Variants in CDH4 observed in about 807,000 individuals in gnomAD.
CDH4 encodes cadherin 4.
Under a neutral mutation model 86.0 loss-of-function variants are expected in CDH4, and 33 were observed. The ratio of observed to expected loss-of-function variants is 0.38; its 90% CI spans 0.29 to 0.51. The LOEUF is 0.51. Ranked by LOEUF, CDH4 falls within the 20% of genes least tolerant of loss-of-function variation. The probability of loss-of-function intolerance (pLI) is 0.86; values close to 1 mark genes in which losing one functional copy is unlikely to be tolerated. For synonymous variants in CDH4, 555 were observed against 549.4 expected, an observed-to-expected ratio of 1.01 and a Z score of -0.14; for missense variants, 1,114 against 1,307.4, an observed-to-expected ratio of 0.85 and a Z score of 2.28.
At chr20:61,553,609 A>G (rs1454475834) in intron 2 of CDH4, among the ~76,000 whole-genome samples, 1 of 152,210 alleles carries the variant, frequency 6.6e-6, no homozygotes, top group African/African-American at 2.4e-5. Context: ...ACCCTGCTTT[A>G]TAGATGTAGT....
chr20:61,604,786 C>T (rs771606841), intron 2 of CDH4, among the ~76,000 whole-genome samples: 4 of 152,146 alleles, frequency 2.6e-5, no homozygotes, highest in Non-Finnish European at 5.9e-5. Context: ...CAGCAGCTTG[C>T]ACTAATGGTC....
At position 61,508,264 on chromosome 20, in the gene CDH4, C is replaced by A. The variant is rs527243290; in HGVS notation, c.170-235299C>A. ...AAGGTCCCAGGCAGTATGTGTGCCC[C>A]CCACTGAGTTGGGTCTTAATGCTCA... On this transcript the variant is annotated intron_variant, in intron 2 of 15. Coordinates refer to ENST00000614565, the MANE Select transcript of CDH4 (RefSeq NM_001794.5). Among the ~76,000 whole-genome samples, 11 of 152,346 alleles carry A rather than the reference C, an allele frequency of 7.2e-5. No individual in the cohort carries two copies. In the South Asian group the frequency reaches 2.3e-3, roughly 32 times the overall value.
rs147368313 is a variant in CDH4 at position 61,296,611 on chromosome 20, C to T, written c.169+41674C>T. 5.7e-3 allele frequency among the ~76,000 whole-genome samples: 861 copies of T among 152,116 alleles called. 7 individuals carry two copies. The highest frequency in any genetic ancestry group is 0.02 in the African/African-American group (811 of 41,506). On this transcript the variant is annotated intron_variant, in intron 2 of 15. Transcript: ENST00000614565. ...GCATTTACCGCCTCGTAAATGTTAT[C>T]GATACAATTAGAATAGGTACTTTTT...
chr20:61,756,221 G>A (rs1421584928), intron 3 of CDH4, among the ~76,000 whole-genome samples: 1 of 152,154 alleles, frequency 6.6e-6, no homozygotes, highest in Admixed American at 6.5e-5. Flanking sequence ...CTGCATCCTG[G>A]GCCTGCACCT....
At chr20:61,302,400 G>A (rs2084390497) in intron 2 of CDH4, among the ~76,000 whole-genome samples, 1 of 152,220 alleles carries the variant, frequency 6.6e-6, no homozygotes, top group Non-Finnish European at 1.5e-5. Flanking sequence ...CCAAAGTGAT[G>A]AACAAGCTTA....
At chr20:61,908,197 G>A (rs1005248793) in intron 8 of CDH4, among the ~76,000 whole-genome samples, 5 of 152,238 alleles carry the variant, frequency 3.3e-5, no homozygotes, top group Non-Finnish European at 4.4e-5. Context: ...AAGGCAGCCC[G>A]TTGGTGTGGG....
Position 61,933,018 on chromosome 20 carries a change from G to A in CDH4, c.2273G>A (p.Arg758Gln), listed in dbSNP as rs550041342. ...MVLLFVMWMKRREKERHTKQL... is the reference protein window; with the variant it reads ...MVLLFVMWMKQREKERHTKQL... ...CTGCTGTTTGTCATGTGGATGAAGCGGCGAGAGAAGGAGCGCCACACGAAG... is the reference window on the plus strand; with the variant it reads ...CTGCTGTTTGTCATGTGGATGAAGCAGCGAGAGAAGGAGCGCCACACGAAG... The change falls in exon 14 of 16, where the codon CGG becomes CAG. Residue 758 changes from arginine (R) to glutamine (Q), a missense_variant. By Grantham distance (43) the Arg-to-Gln change is conservative. Around this residue, in one of 3 missense-constraint regions of CDH4, gnomAD observed 705 missense variants for 914.1 expected, o/e 0.77. Coordinates refer to ENST00000614565, the MANE Select transcript of CDH4 (RefSeq NM_001794.5). 9.3e-6 allele frequency: 15 copies of A among 1,613,316 alleles called. No homozygotes were observed. The highest frequency in any genetic ancestry group is 6.6e-5 in the South Asian group (6 of 91,076).
Position 61,910,597 on chromosome 20 carries a change from C to T in CDH4, c.1364C>T (p.Thr455Ile). The change falls in exon 9 of 16, where the codon ACC (threonine) becomes ATC (isoleucine). Residue 455 changes from threonine (T) to isoleucine (I), a missense_variant. Thr to Ile is a moderately conservative substitution (Grantham distance 89). Around this residue, in one of 3 missense-constraint regions of CDH4, gnomAD observed 705 missense variants for 914.1 expected, o/e 0.77. Transcript: ENST00000614565. ...TDPVTNEGMV[T>I]VVKAVDYELN... ...CCCGTAACCAACGAGGGCATGGTCACCGTGGTGAAGGTGCGTACTCTTCTC... is the reference window on the plus strand; with the variant it reads ...CCCGTAACCAACGAGGGCATGGTCATCGTGGTGAAGGTGCGTACTCTTCTC... 1 of 1,613,442 alleles carries T rather than the reference C, an allele frequency of 6.2e-7. No homozygotes were observed. Among genetic ancestry groups the T allele is most frequent in the African/African-American group, 1.3e-5 (1 of 75,050 alleles).
At chr20:61,934,392 A>C (rs1235556951) in intron 15 of CDH4, among the ~76,000 whole-genome samples, 172 bp downstream of exon 15, 1 of 152,212 alleles carries the variant, frequency 6.6e-6, no homozygotes, top group Non-Finnish European at 1.5e-5. Flanking sequence ...TGGCCTGGGC[A>C]AATCACCTCC....
intron 2 of CDH4, among the ~76,000 whole-genome samples, chr20:61,297,612 G>A (rs543492378): frequency 1.1e-4 from 16 of 152,344 alleles, no homozygotes; most frequent in African/African-American, 2.4e-4. Flanking sequence ...AAGCCGGGGC[G>A]GTGCCTGGCA....
chr20:61,399,497 A>T (rs549642068), intron 2 of CDH4, among the ~76,000 whole-genome samples: 1 of 152,330 alleles, frequency 6.6e-6, no homozygotes, highest in East Asian at 1.9e-4. Flanking sequence ...TAGAGAGCAT[A>T]GTATCCCTGA....
chr20:61,400,301 G>A (rs1568830145), intron 2 of CDH4, among the ~76,000 whole-genome samples: 1 of 152,318 alleles, frequency 6.6e-6, no homozygotes, highest in South Asian at 2.1e-4. Flanking sequence ...GACCTCTCAG[G>A]AGTTATAGTT....
At position 61,553,479 on chromosome 20, in the gene CDH4, G is replaced by A. The variant is rs77404474; in HGVS notation, c.170-190084G>A. On this transcript the variant is annotated intron_variant, in intron 2 of 15. Transcript: ENST00000614565. ...CAAAGATTAAAAACCAGCCTTTGAGGTGTTTCCATTTGGGGCTATTGCAGA... is the reference window on the plus strand; with the variant it reads ...CAAAGATTAAAAACCAGCCTTTGAGATGTTTCCATTTGGGGCTATTGCAGA... Among the ~76,000 whole-genome samples the A allele has an allele frequency of 9.0e-3, 1,373 of 152,330 alleles. 8 individuals are homozygous for A. Among genetic ancestry groups the A allele is most frequent in the Middle Eastern group, 0.021 (6 of 292 alleles).
intron 2 of CDH4, among the ~76,000 whole-genome samples, chr20:61,593,794 G>A (rs763799060): frequency 6.6e-6 from 1 of 151,548 alleles, no homozygotes; most frequent in African/African-American, 2.4e-5. Flanking sequence ...GAACCCCCTG[G>A]GGATGCCCGG....
intron 2 of CDH4, among the ~76,000 whole-genome samples, chr20:61,410,236 A>G (rs921876940): frequency 6.6e-6 from 1 of 152,090 alleles, no homozygotes; most frequent in Admixed American, 6.5e-5. Context: ...CTGCCCACCC[A>G]TCCATTCATC....
At position 61,380,493 on chromosome 20, in the gene CDH4, C is replaced by T. The variant is rs143920230; in HGVS notation, c.169+125556C>T. On this transcript the variant is annotated intron_variant, in intron 2 of 15. Coordinates refer to ENST00000614565, the MANE Select transcript of CDH4 (RefSeq NM_001794.5). ...GATAATTCACAGGCTTTCCCTTCCA[C>T]GGCGCTCCCACCAACAACACCATCC... is the stretch of plus-strand genomic sequence containing the variant. 7.0e-3 allele frequency among the ~76,000 whole-genome samples: 1,064 copies of T among 152,126 alleles called. 3 individuals carry two copies. The highest frequency in any genetic ancestry group is 0.01 in the Non-Finnish European group (696 of 68,006).
At chr20:61,465,493 T>G (rs560599002) in intron 2 of CDH4, among the ~76,000 whole-genome samples, 3 of 152,338 alleles carry the variant, frequency 2.0e-5, no homozygotes, top group Admixed American at 6.5e-5. Context: ...AAGATTGTTC[T>G]TGGTGTGGTG....
chr20:61,735,587 G>A (rs1008398174), intron 2 of CDH4, among the ~76,000 whole-genome samples: 1 of 152,092 alleles, frequency 6.6e-6, no homozygotes, highest in Non-Finnish European at 1.5e-5. Flanking sequence ...TCTGCCTCCC[G>A]GCCAGCGCCT....
At chr20:61,652,938 A>ATTTTTTATTTTTTTTTTT (rs2087138672) in intron 2 of CDH4, among the ~76,000 whole-genome samples, 1 of 97,402 alleles carries the variant, frequency 1.0e-5, no homozygotes, top group African/African-American at 3.4e-5. Context: ...TTATTTATTT[A>ATTTTTTATTTTTTTTTTT]TTTTTTTTTT....
Sources: gnomAD v4.1 joint callset for allele counts (sites outside exome capture counted in the v4.1 genomes callset) on GRCh38, gnomAD v4.1.1 for gene constraint, gnomAD v4.1.1 regional missense constraint, MANE v1.5 for transcripts, NCBI Gene and HGNC (gene_info 2026-07-23, HGNC 2026-07-21) for gene names.